The following RPS6KA3 variants were observed in gnomAD, a reference collection of about 807,000 sequenced individuals.
RPS6KA3 encodes ribosomal protein S6 kinase A3.
RPS6KA3 carries 4 observed loss-of-function variants against 67.2 expected under a neutral mutation model. The ratio of observed to expected loss-of-function variants is 0.06; its 90% CI spans 0.03 to 0.14. The LOEUF (loss-of-function observed/expected upper bound fraction) is 0.14. RPS6KA3 is among the 10% of genes least tolerant of loss of function. The probability of loss-of-function intolerance (pLI) is 1.00; values close to 1 mark genes in which losing one functional copy is unlikely to be tolerated. For synonymous variants in RPS6KA3, 182 were observed against 183.7 expected (o/e 0.99, Z 0.07); for missense variants, 204 against 559.0 (o/e 0.36, Z 6.40).
At chrX:20,186,269 A>AT in intron 10 of RPS6KA3, 27 bp downstream of exon 10, 1 of 1,002,534 alleles carries the variant, frequency 1.0e-6, no homozygotes, top group Non-Finnish European at 1.4e-6. Context: ...AATCTCATCA[A>AT]AACATCTATA....
upstream of RPS6KA3, chrX:20,266,930 C>T (rs1051853379): frequency 2.9e-6 from 2 of 684,499 alleles, no homozygotes; most frequent in Non-Finnish European, 3.5e-6. Context: ...CTTCCGCCGC[C>T]GGGACTACGG....
At chrX:20,195,008 C>T (rs1024977408) in intron 5 of RPS6KA3, 57 bp downstream of exon 5, 1 of 701,541 alleles carries the variant, frequency 1.4e-6, no homozygotes, top group Non-Finnish European at 2.3e-6. Flanking sequence ...TCTGAATGTC[C>T]TCAGGGATTT....
At chrX:20,258,334 G>C (rs545096313) in intron 1 of RPS6KA3, among the ~76,000 whole-genome samples, 1 of 112,079 alleles carries the variant, frequency 8.9e-6, no homozygotes, top group East Asian at 2.8e-4. Flanking sequence ...ATTATTTTCA[G>C]ATAGATGCCT....
At chrX:20,241,413 A>G (rs908769829) in intron 1 of RPS6KA3, among the ~76,000 whole-genome samples, 1 of 108,876 alleles carries the variant, frequency 9.2e-6, no homozygotes, top group Admixed American at 9.9e-5. Context: ...GCCACAGAGG[A>G]CAAACTTGAG....
At chrX:20,208,600 C>T (rs942771233) in intron 3 of RPS6KA3, among the ~76,000 whole-genome samples, 5 of 110,162 alleles carry the variant, frequency 4.5e-5, no homozygotes, top group Non-Finnish European at 7.6e-5. Context: ...GTGCCTTGGT[C>T]CCAGCTACTC....
chrX:20,160,963 C>A (rs2067291362), intron 20 of RPS6KA3, among the ~76,000 whole-genome samples: 2 of 110,761 alleles, frequency 1.8e-5, no homozygotes, highest in Admixed American at 9.7e-5. Flanking sequence ...TAAAAAACTT[C>A]ATTTTTTTTT....
intron 1 of RPS6KA3, among the ~76,000 whole-genome samples, chrX:20,258,841 T>TA (rs1008237972): frequency 1.8e-5 from 2 of 112,050 alleles, no homozygotes; most frequent in Non-Finnish European, 3.8e-5. Flanking sequence ...AGCACTACTT[T>TA]ATGAGAACAA....
chrX:20,245,560 G>C (rs148624783), intron 1 of RPS6KA3, among the ~76,000 whole-genome samples: 45 of 111,831 alleles, frequency 4.0e-4, no homozygotes, highest in African/African-American at 1.4e-3. Flanking sequence ...TATTTTACTA[G>C]AGAAAATTAG....
chrX:20,220,459 A>G (rs768286463), intron 2 of RPS6KA3, among the ~76,000 whole-genome samples: 1 of 110,897 alleles, frequency 9.0e-6, no homozygotes, highest in Admixed American at 9.5e-5. Flanking sequence ...GGCTAGGACA[A>G]CCGCCTAACA....
At chrX:20,183,805 T>C (rs1020895360) in intron 10 of RPS6KA3, among the ~76,000 whole-genome samples, 1 of 112,418 alleles carries the variant, frequency 8.9e-6, no homozygotes, top group African/African-American at 3.2e-5. Context: ...TTTAATTTTA[T>C]TTGCATTGAA....
At chrX:20,250,902 T>C (rs761715960) in intron 1 of RPS6KA3, among the ~76,000 whole-genome samples, 2 of 112,251 alleles carry the variant, frequency 1.8e-5, no homozygotes, top group Admixed American at 9.4e-5. Context: ...CTCTATTTTC[T>C]GGAAGAGACT....
chrX:20,183,311 G>A (rs1280820546), intron 10 of RPS6KA3, among the ~76,000 whole-genome samples: 3 of 110,345 alleles, frequency 2.7e-5, no homozygotes, highest in Non-Finnish European at 3.8e-5. Flanking sequence ...GGGCTCAAGC[G>A]ATTCTCCCAC....
chrX:20,157,441 G>GC (rs1178672974), intron 20 of RPS6KA3, among the ~76,000 whole-genome samples: 1 of 103,185 alleles, frequency 9.7e-6, no homozygotes, highest in African/African-American at 3.6e-5. Context: ...AGTCAAGGCT[G>GC]CAGTGAGCCG....
At chrX:20,204,997 T>G (rs2068540586) in intron 3 of RPS6KA3, among the ~76,000 whole-genome samples, 1 of 112,248 alleles carries the variant, frequency 8.9e-6, no homozygotes, top group Non-Finnish European at 1.9e-5. Context: ...TAATGTGACT[T>G]AAGTTAGAAC....
intron 1 of RPS6KA3, among the ~76,000 whole-genome samples, chrX:20,238,921 G>T (rs775809794): frequency 9.0e-6 from 1 of 111,208 alleles, no homozygotes; most frequent in Admixed American, 9.5e-5. Flanking sequence ...AATGACGGTT[G>T]GTTTTATTAG....
chrX:20,232,342 A>G (rs1015426683), intron 2 of RPS6KA3, among the ~76,000 whole-genome samples: 1 of 112,260 alleles, frequency 8.9e-6, no homozygotes, highest in Non-Finnish European at 1.9e-5. Flanking sequence ...TGGGAGGCCG[A>G]GGCGAGCAGA....
At chrX:20,203,741 G>T in intron 4 of RPS6KA3, 1 of 253,883 alleles carries the variant, frequency 3.9e-6, no homozygotes, top group Non-Finnish European at 7.0e-6. Flanking sequence ...ATATAAATTT[G>T]AAGATGAATC....
chrX:20,185,956 T>C (rs1212953441), intron 10 of RPS6KA3, among the ~76,000 whole-genome samples: 1 of 112,298 alleles, frequency 8.9e-6, no homozygotes, highest in African/African-American at 3.2e-5. Context: ...TTTTACTTTT[T>C]TGAGATAGAG....
At chrX:20,204,792 T>C (rs1310982966) in intron 3 of RPS6KA3, among the ~76,000 whole-genome samples, 2 of 110,998 alleles carry the variant, frequency 1.8e-5, no homozygotes, top group African/African-American at 6.6e-5. Flanking sequence ...CCCAGCTACT[T>C]GGGAGGCTGA....
Sources: gnomAD v4.1 joint callset for allele counts (sites outside exome capture counted in the v4.1 genomes callset) on GRCh38, gnomAD v4.1.1 for gene constraint, MANE v1.5 for transcripts, NCBI Gene and HGNC (gene_info 2026-07-23, HGNC 2026-07-21) for gene names.